The following CLASP1 variants were observed in gnomAD, a reference collection of about 807,000 sequenced individuals.
The protein encoded by CLASP1 is cytoplasmic linker associated protein 1, also known as CLIP-associating protein 1.
A neutral mutation model predicts 192.3 loss-of-function variants in CLASP1; 38 were observed. The ratio of observed to expected loss-of-function variants is 0.20; its 90% CI spans 0.15 to 0.26. The LOEUF is 0.26. CLASP1 is among the 10% of genes least tolerant of loss of function. CLASP1 has a pLI of 1.00. For synonymous variants in CLASP1, 691 were observed against 712.8 expected, an observed-to-expected ratio of 0.97 and a Z score of 0.49; for missense variants, 1,433 against 1,932.5, an observed-to-expected ratio of 0.74 and a Z score of 4.85.
chr2:121,460,205 CAA>C (rs1458936336), intron 11 of CLASP1, 80 bp from the exon 12 acceptor site: 11 of 1,141,954 alleles, frequency 9.6e-6, no homozygotes, highest in African/African-American at 6.2e-5. Context: ...TCATCAAATA[CAA>C]AAGAGATCAT....
At chr2:121,559,545 T>G (rs888313716) in intron 2 of CLASP1, among the ~76,000 whole-genome samples, 3 of 152,078 alleles carry the variant, frequency 2.0e-5, no homozygotes, top group African/African-American at 4.8e-5. Flanking sequence ...GGGTAAACCT[T>G]GAAAACATTA....
At chr2:121,398,875 A>C (rs978433791) in intron 28 of CLASP1, among the ~76,000 whole-genome samples, 18 of 152,186 alleles carry the variant, frequency 1.2e-4, no homozygotes, top group African/African-American at 4.3e-4. Context: ...CCACAGAAGA[A>C]TGCCTGTGAG....
intron 1 of CLASP1, among the ~76,000 whole-genome samples, chr2:121,626,276 T>C (rs1176387187): frequency 6.6e-6 from 1 of 152,038 alleles, no homozygotes; most frequent in Non-Finnish European, 1.5e-5. Context: ...AGGATGAGGA[T>C]TTAAAAAAAC....
chr2:121,421,375 G>A (rs1365386417), intron 22 of CLASP1, among the ~76,000 whole-genome samples: 1 of 151,584 alleles, frequency 6.6e-6, no homozygotes. Flanking sequence ...CGTCCCACGA[G>A]TAGCTGGGAT....
In CLASP1 at chr2:121,445,445, G is replaced by A. The variant is rs543301432; in HGVS notation, c.1912+1892C>T. ...CCAGCAGCAAAAGCTGTCGAGCATG[G>A]TACCTGAGTCCAGGCCTATGTACTC... On this transcript the variant is annotated intron_variant, in intron 19 of 39. Coordinates refer to ENST00000263710, the Ensembl canonical transcript of CLASP1. 1.2e-5 allele frequency: 16 copies of A among 1,288,854 alleles called. No individual in the cohort carries two copies. In the East Asian group the frequency reaches 6.7e-4, roughly 54 times the overall value. 79.8% of individuals were successfully genotyped at this position (1,288,854 alleles called of 1,614,324 possible). A position where few individuals can be genotyped will look rare whatever the true frequency, so the allele number is the denominator to read the frequency against.
rs149313699 is a variant in CLASP1 at position 121,399,414 on chromosome 2, C to T, written c.2901-1014G>A. Reference sequence around the variant, plus strand: ...ACAAACCACCCACAAAATGTCTCTCCCTTCTTCTGGCAGCATGGGGTGGAT... The same window carrying T: ...ACAAACCACCCACAAAATGTCTCTCTCTTCTTCTGGCAGCATGGGGTGGAT... On this transcript the variant is annotated intron_variant, in intron 28 of 39. Coordinates refer to ENST00000263710, the Ensembl canonical transcript of CLASP1. Among the ~76,000 whole-genome samples, 473 of 152,252 alleles carry T rather than the reference C, an allele frequency of 3.1e-3. 1 individual carries two copies. The highest frequency in any genetic ancestry group is 8.4e-3 in the African/African-American group (348 of 41,534).
chr2:121,611,523 G>A (rs2065485468), intron 1 of CLASP1, among the ~76,000 whole-genome samples: 2 of 136,194 alleles, frequency 1.5e-5, no homozygotes, highest in Admixed American at 7.2e-5. Context: ...AGGAGGAGGA[G>A]TTGGAGGAGT....
In CLASP1 at chr2:121,470,005, C is replaced by T. The variant is rs940686915; in HGVS notation, c.713-45G>A. On this transcript the variant is annotated intron_variant, in intron 8 of 39. Transcript: ENST00000263710. The stretch of plus-strand genomic sequence containing the variant: ...ACCAACGTTTTTTTAAAAACAAAAA[C>T]TATATATACATATATATATACTTTT... 3.5e-6 allele frequency: 5 copies of T among 1,424,834 alleles called. No individual in the cohort carries two copies. In the African/African-American group the frequency reaches 7.3e-5, roughly 21 times the overall value. 88.3% of individuals were successfully genotyped at this position (1,424,834 alleles called of 1,614,324 possible).
At chr2:121,561,158 C>T (rs530416746) in intron 2 of CLASP1, among the ~76,000 whole-genome samples, 32 of 152,342 alleles carry the variant, frequency 2.1e-4, no homozygotes, top group Admixed American at 1.8e-3. Context: ...CCAACCACCT[C>T]GGCCTCCCAA....
At chr2:121,478,971 A>C (rs200967134) in intron 8 of CLASP1, among the ~76,000 whole-genome samples, 2,091 of 37,486 alleles carry the variant, frequency 0.056, 39 homozygotes, top group East Asian at 0.17. Flanking sequence ...CACCACACAC[A>C]CCACACACAC....
intron 8 of CLASP1, among the ~76,000 whole-genome samples, chr2:121,492,137 C>T (rs1184164058): frequency 6.6e-6 from 1 of 152,114 alleles, no homozygotes; most frequent in Non-Finnish European, 1.5e-5. Context: ...CGCCTGTAAT[C>T]CCAGCACTTT....
At chr2:121,416,978 G>C (rs2078704701) in intron 23 of CLASP1, among the ~76,000 whole-genome samples, 1 of 152,192 alleles carries the variant, frequency 6.6e-6, no homozygotes, top group Admixed American at 6.5e-5. Flanking sequence ...TTAACCCAAG[G>C]TGGGGAAAAG....
intron 19 of CLASP1, among the ~76,000 whole-genome samples, chr2:121,432,453 T>C (rs2081596786): frequency 6.6e-6 from 1 of 152,200 alleles, no homozygotes; most frequent in Non-Finnish European, 1.5e-5. Context: ...ATCCTGCTAA[T>C]TGGCAGGACA....
intron 1 of CLASP1, among the ~76,000 whole-genome samples, chr2:121,626,988 G>A (rs921512434): frequency 1.2e-4 from 19 of 152,190 alleles, no homozygotes; most frequent in African/African-American, 4.6e-4. Flanking sequence ...AATAAATGAA[G>A]AGAAAGAACC....
Position 121,434,993 on chromosome 2 carries a change from A to G in CLASP1, c.1913-4816T>C, listed in dbSNP as rs183596206. Among the ~76,000 whole-genome samples the G allele has an allele frequency of 1.7e-3, 264 of 151,392 alleles. 3 individuals are homozygous for G. The highest frequency in any genetic ancestry group is 8.8e-5 in the Non-Finnish European group (6 of 67,858). ...TTCTTCTACTGATCCTTTGTCTTCT[A>G]TCTGTAGTCTTAAGTTTTAGATTTC... On this transcript the variant is annotated intron_variant, in intron 19 of 39. Coordinates refer to ENST00000263710, the Ensembl canonical transcript of CLASP1.
At chr2:121,513,622 C>T (rs2094203818) in intron 7 of CLASP1, among the ~76,000 whole-genome samples, 1 of 152,126 alleles carries the variant, frequency 6.6e-6, no homozygotes, top group East Asian at 1.9e-4. Flanking sequence ...GGACTCAGCA[C>T]AATCATAGTC....
At chr2:121,340,137 C>T (rs1387055252) in exon 40 of CLASP1, 1 of 152,198 alleles carries the variant, frequency 6.6e-6, no homozygotes, top group Non-Finnish European at 1.5e-5. Flanking sequence ...CAGATTTAAA[C>T]TTGAAGAATT....
chr2:121,548,181 A>G (rs2057661122), intron 2 of CLASP1, among the ~76,000 whole-genome samples: 2 of 152,230 alleles, frequency 1.3e-5, no homozygotes, highest in Admixed American at 1.3e-4. Flanking sequence ...ATAAAATGAT[A>G]CAGGAGCTGA....
intron 8 of CLASP1, among the ~76,000 whole-genome samples, chr2:121,472,902 A>G (rs576239132): frequency 3.9e-5 from 6 of 152,382 alleles, no homozygotes; most frequent in African/African-American, 9.6e-5. Flanking sequence ...AATCTGCCCT[A>G]TCAGAGCTTA....
Sources: gnomAD v4.1 joint callset for allele counts (sites outside exome capture counted in the v4.1 genomes callset) on GRCh38, gnomAD v4.1.1 for gene constraint, MANE v1.5 for transcripts, NCBI Gene and HGNC (gene_info 2026-07-23, HGNC 2026-07-21) for gene names.